IST1: variants seen among roughly 807,000 people sequenced by gnomAD.
IST1 encodes the protein IST1 homolog.
Under a neutral mutation model 37.0 loss-of-function variants are expected in IST1, and 23 were observed. The observed-to-expected ratio is 0.62, with a 90% CI of 0.45 to 0.88. The LOEUF (loss-of-function observed/expected upper bound fraction) is 0.88. Among genes scored for constraint, IST1 ranks in the 40% least tolerant of loss-of-function variants. The pLI, the probability that IST1 is intolerant of heterozygous loss-of-function variation, is 0.00. For synonymous variants in IST1, 180 were observed against 161.7 expected (o/e 1.11, Z -0.86); for missense variants, 488 against 445.4 (o/e 1.10, Z -0.86).
intron 2 of IST1, among the ~76,000 whole-genome samples, chr16:71,916,099 T>C (rs2037460638): frequency 6.6e-6 from 1 of 152,214 alleles, no homozygotes; most frequent in Non-Finnish European, 1.5e-5. Flanking sequence ...CCCAAAGTGC[T>C]GGGATTACAG....
At chr16:71,913,803 T>C (rs2037409621) in intron 1 of IST1, among the ~76,000 whole-genome samples, 1 of 152,050 alleles carries the variant, frequency 6.6e-6, no homozygotes. Flanking sequence ...ACTCACACCC[T>C]ACTATTTAGC....
intron 4 of IST1, among the ~76,000 whole-genome samples, chr16:71,918,332 A>G (rs1240217516): frequency 6.6e-6 from 1 of 151,828 alleles, no homozygotes; most frequent in African/African-American, 2.4e-5. Context: ...ATAAACTTCC[A>G]ATAGTCCAAT....
Position 71,903,901 on chromosome 16 carries a change from T to C in IST1, c.-16+8312T>C, listed in dbSNP as rs577712103. 5.3e-5 allele frequency among the ~76,000 whole-genome samples: 8 copies of C among 152,312 alleles called. No individual in the cohort carries two copies. In the East Asian group the frequency reaches 1.5e-3, roughly 29 times the overall value. ...ATGGTGGGAGGTATGTTGAAGCCTC[T>C]AACTATAATTAGATTTATTTCTCCT... On this transcript the variant is annotated intron_variant, in intron 1 of 9. Coordinates refer to ENST00000378799, the MANE Select transcript of IST1 (RefSeq NM_001270975.2).
chr16:71,912,512 C>CA (rs2037380261), intron 1 of IST1, among the ~76,000 whole-genome samples: 1 of 152,198 alleles, frequency 6.6e-6, no homozygotes, highest in Non-Finnish European at 1.5e-5. Flanking sequence ...ACTGGGATTA[C>CA]AGGTGTGAGC....
chr16:71,914,665 A>G (rs1425386303), intron 1 of IST1, among the ~76,000 whole-genome samples: 1 of 152,180 alleles, frequency 6.6e-6, no homozygotes, highest in South Asian at 2.1e-4. Flanking sequence ...CAATTTTACA[A>G]AAGGAAAACA....
chr16:71,904,333 G>A (rs2037173760), intron 1 of IST1, among the ~76,000 whole-genome samples: 2 of 152,208 alleles, frequency 1.3e-5, no homozygotes, highest in Non-Finnish European at 2.9e-5. Context: ...ATGTTGACCA[G>A]GCTGATCTCG....
At chr16:71,925,822 G>T (rs555247310) in intron 9 of IST1, among the ~76,000 whole-genome samples, 6 of 152,182 alleles carry the variant, frequency 3.9e-5, no homozygotes, top group African/African-American at 1.4e-4. Flanking sequence ...GAGCTTGGTG[G>T]TATGGACTTG....
At chr16:71,905,270 G>A (rs946329640) in intron 1 of IST1, among the ~76,000 whole-genome samples, 3 of 149,678 alleles carry the variant, frequency 2.0e-5, no homozygotes, top group Non-Finnish European at 4.5e-5. Flanking sequence ...TCCTGACCTC[G>A]TGATCCACCC....
In IST1 at chr16:71,929,722, T is replaced by C; in HGVS notation, c.*1909T>C. ...AAGAGAAAAGTGAGAAAATTGAAATTACTGCTAATAGTGGAGTAAAAAAAG... is the reference window on the plus strand; with the variant it reads ...AAGAGAAAAGTGAGAAAATTGAAATCACTGCTAATAGTGGAGTAAAAAAAG... On this transcript the variant is annotated 3_prime_UTR_variant, in exon 10 of 10. Coordinates refer to ENST00000378799, the MANE Select transcript of IST1 (RefSeq NM_001270975.2). 1 of 1,474,932 alleles carries C rather than the reference T, an allele frequency of 6.8e-7. No individual in the cohort carries two copies. Among genetic ancestry groups the C allele is most frequent in the South Asian group, 1.3e-5 (1 of 76,846 alleles). The allele number at this position is 1,474,932 out of a possible 1,614,324, so 91.4% of individuals were successfully genotyped here.
chr16:71,909,946 C>T (rs778589142), intron 1 of IST1, among the ~76,000 whole-genome samples: 7 of 152,078 alleles, frequency 4.6e-5, no homozygotes, highest in African/African-American at 7.2e-5. Flanking sequence ...AGTAATTTAA[C>T]GGCAAGTTGG....
intron 1 of IST1, among the ~76,000 whole-genome samples, chr16:71,897,855 G>A (rs996597277): frequency 2.0e-5 from 3 of 152,192 alleles, no homozygotes; most frequent in African/African-American, 7.2e-5. Flanking sequence ...TGAGGTAGGA[G>A]AATTGCTTGC....
At chr16:71,897,783 T>C (rs919698812) in intron 1 of IST1, among the ~76,000 whole-genome samples, 2 of 151,586 alleles carry the variant, frequency 1.3e-5, no homozygotes, top group African/African-American at 4.8e-5. Context: ...CTGTCTCTAC[T>C]AAAAATACAA....
upstream of IST1, chr16:71,895,322 C>CT (rs3841242): frequency 2.8e-3 from 435 of 157,138 alleles, 24 homozygotes; most frequent in East Asian, 0.067. Context: ...CGGCGTGGCG[C>CT]TTCCCCCAAC....
chr16:71,930,884 G>A lies in IST1; in HGVS notation c.*3071G>A, dbSNP rs1002778292. On this transcript the variant is annotated 3_prime_UTR_variant, in exon 10 of 10. Transcript: ENST00000378799. ...CTGTTTAAAAATATCCCAACAGAGG[G>A]GTTGATTACAGTCAATGCCACCCTG... 1 of 152,096 alleles carries A rather than the reference G, an allele frequency of 6.6e-6. No homozygotes were observed. Among genetic ancestry groups the A allele is most frequent in the African/African-American group, 2.4e-5 (1 of 41,408 alleles). 9.4% of individuals were successfully genotyped at this position (152,096 alleles called of 1,614,324 possible).
chr16:71,908,354 CA>C (rs1435636076), intron 1 of IST1, among the ~76,000 whole-genome samples: 1 of 121,696 alleles, frequency 8.2e-6, no homozygotes, highest in Non-Finnish European at 1.6e-5. Flanking sequence ...GGCTGGAGTG[CA>C]ATGGCACGAT....
At chr16:71,912,634 A>G (rs1427438427) in intron 1 of IST1, among the ~76,000 whole-genome samples, 2 of 152,220 alleles carry the variant, frequency 1.3e-5, no homozygotes, top group Admixed American at 6.5e-5. Flanking sequence ...GCAACATGAC[A>G]ATTTACCAAC....
chr16:71,909,721 A>G (rs913812513), intron 1 of IST1, among the ~76,000 whole-genome samples: 2 of 152,218 alleles, frequency 1.3e-5, no homozygotes, highest in African/African-American at 2.4e-5. Context: ...CTAGGATTAT[A>G]CAAAATAGTA....
intron 1 of IST1, among the ~76,000 whole-genome samples, chr16:71,901,575 A>G (rs1277924560): frequency 1.3e-5 from 2 of 152,134 alleles, no homozygotes; most frequent in South Asian, 2.1e-4. Context: ...ATCATTTAGG[A>G]TATATCCTTT....
intron 1 of IST1, among the ~76,000 whole-genome samples, chr16:71,907,940 T>C (rs1000892486): frequency 2.0e-5 from 3 of 152,052 alleles, no homozygotes; most frequent in Non-Finnish European, 2.9e-5. Flanking sequence ...ATTTGTCTCC[T>C]CTTTATGTCT....
Sources: allele counts gnomAD v4.1 joint callset (sites outside exome capture counted in the v4.1 genomes callset), GRCh38; gene constraint gnomAD v4.1.1; transcripts MANE v1.5; gene names NCBI Gene and HGNC (gene_info 2026-07-23, HGNC 2026-07-21).